SLC24A3: variants seen among roughly 807,000 people sequenced by gnomAD.
SLC24A3 encodes the protein solute carrier family 24 member 3.
SLC24A3 carries 28 observed loss-of-function variants against 75.8 expected under a neutral mutation model. The ratio of observed to expected loss-of-function variants is 0.37; its 90% CI spans 0.27 to 0.51. SLC24A3 has a LOEUF of 0.51. Among genes scored for constraint, SLC24A3 ranks in the 20% least tolerant of loss-of-function variants. The pLI is 0.94. For missense variants in SLC24A3, 663 were observed against 847.8 expected (o/e 0.78, Z 2.71); for synonymous variants, 372 against 334.1 (o/e 1.11, Z -1.24).
intron 1 of SLC24A3, among the ~76,000 whole-genome samples, chr20:19,278,247 T>C (rs6136670): frequency 0.36 from 54,239 of 152,100 alleles, 10,860 homozygotes; most frequent in East Asian, 0.8. Context: ...CTTAGGTGTC[T>C]GAGATGCATG....
chr20:19,502,802 G>A (rs1019391625), intron 2 of SLC24A3, among the ~76,000 whole-genome samples: 1 of 150,478 alleles, frequency 6.6e-6, no homozygotes, highest in African/African-American at 2.5e-5. Context: ...AGGCCAAGGT[G>A]GGAGGATAGC....
chr20:19,498,570 T>G (rs1264396995), intron 2 of SLC24A3, among the ~76,000 whole-genome samples: 1 of 152,168 alleles, frequency 6.6e-6, no homozygotes, highest in Non-Finnish European at 1.5e-5. Flanking sequence ...GCTGACACCT[T>G]CCTTCCTGAC....
chr20:19,536,406 G>T (rs2030397237), intron 3 of SLC24A3, among the ~76,000 whole-genome samples: 1 of 152,098 alleles, frequency 6.6e-6, no homozygotes, highest in African/African-American at 2.4e-5. Flanking sequence ...AGTGGGGCAG[G>T]TCTGGGTTGG....
intron 2 of SLC24A3, among the ~76,000 whole-genome samples, chr20:19,311,160 G>A (rs1225406188): frequency 6.6e-6 from 1 of 151,918 alleles, no homozygotes; most frequent in Admixed American, 6.6e-5. Context: ...CTTGGGTTTT[G>A]GTTACTCATA....
At chr20:19,503,879 A>T (rs1421802671) in intron 2 of SLC24A3, among the ~76,000 whole-genome samples, 2 of 152,200 alleles carry the variant, frequency 1.3e-5, no homozygotes, top group Non-Finnish European at 2.9e-5. Flanking sequence ...CCCCCTTTTA[A>T]ATGGATTATA....
intron 12 of SLC24A3, among the ~76,000 whole-genome samples, chr20:19,688,012 G>A (rs1026317063): frequency 3.3e-5 from 5 of 152,314 alleles, no homozygotes; most frequent in African/African-American, 1.2e-4. Context: ...AGCACAGACA[G>A]GAGAGAAGAG....
chr20:19,477,929 GGACAGTCT>G (rs1987988655), intron 2 of SLC24A3, among the ~76,000 whole-genome samples: 1 of 152,166 alleles, frequency 6.6e-6, no homozygotes, highest in Non-Finnish European at 1.5e-5. Context: ...TCTTCACAAA[GGACAGTCT>G]ATACTGGAGG....
chr20:19,309,051 G>A (rs6045984), intron 2 of SLC24A3, among the ~76,000 whole-genome samples: 23,513 of 152,078 alleles, frequency 0.15, 4,440 homozygotes, highest in African/African-American at 0.43. Flanking sequence ...TTATTTTACC[G>A]TCTTGTAATT....
chr20:19,439,268 C>T (rs1384443164), intron 2 of SLC24A3, among the ~76,000 whole-genome samples: 1 of 152,214 alleles, frequency 6.6e-6, no homozygotes, highest in African/African-American at 2.4e-5. Context: ...GATCAGGCCT[C>T]CCTCATCTTG....
intron 2 of SLC24A3, among the ~76,000 whole-genome samples, chr20:19,300,763 G>A (rs551263827): frequency 6.6e-6 from 1 of 152,182 alleles, no homozygotes; most frequent in South Asian, 2.1e-4. Flanking sequence ...CTCATTCCTG[G>A]AGTCTTCAGC....
Position 19,247,341 on chromosome 20 carries a change from A to G in SLC24A3, c.143-33618A>G, listed in dbSNP as rs369623648. On this transcript the variant is annotated intron_variant, in intron 1 of 16. Transcript: ENST00000328041. ...GCGAAAGTTACTTGTAACCCCAGTT[A>G]CTTTGCATAATATTTTTTTGACTAA... 2.0e-3 allele frequency among the ~76,000 whole-genome samples: 312 copies of G among 152,324 alleles called. 9 individuals carry two copies. In the South Asian group the frequency reaches 0.058, roughly 28 times the overall value.
At chr20:19,461,673 C>T (rs945460111) in intron 2 of SLC24A3, among the ~76,000 whole-genome samples, 7 of 151,694 alleles carry the variant, frequency 4.6e-5, no homozygotes, top group Non-Finnish European at 8.8e-5. Context: ...GCTGGGATAA[C>T]AAGTGCGCAC....
chr20:19,379,733 TACA>T (rs1986150103), intron 2 of SLC24A3, among the ~76,000 whole-genome samples: 1 of 152,204 alleles, frequency 6.6e-6, no homozygotes, highest in African/African-American at 2.4e-5. Flanking sequence ...CACTGTATCT[TACA>T]ACAACAACAA....
intron 15 of SLC24A3, among the ~76,000 whole-genome samples, chr20:19,702,627 A>C (rs2032887701): frequency 6.6e-6 from 1 of 151,832 alleles, no homozygotes; most frequent in Admixed American, 6.6e-5. Flanking sequence ...AAGTGCAAAA[A>C]AAAAAAAAAT....
chr20:19,317,784 A>G (rs8121477), intron 2 of SLC24A3, among the ~76,000 whole-genome samples: 13,760 of 152,098 alleles, frequency 0.09, 2,009 homozygotes, highest in African/African-American at 0.31. Flanking sequence ...TTTACAGGAC[A>G]CCTCTCTCCT....
Position 19,663,426 on chromosome 20 carries a change from TCCTCCTCCGCCTTCTCATCCTCCTCCA to T in SLC24A3, c.688-2436_688-2410del, listed in dbSNP as rs1568689555. 4.4e-4 allele frequency among the ~76,000 whole-genome samples: 21 copies of T among 47,220 alleles called. 1 individual carries two copies. The highest frequency in any genetic ancestry group is 9.0e-4 in the African/African-American group (6 of 6,632). 31.0% of individuals were successfully genotyped at this position (47,220 alleles called of 152,430 possible). A position where few individuals can be genotyped will look rare whatever the true frequency, so the allele number is the denominator to read the frequency against. ...CTCCTCCACCTCCTCCTCCTCCTCC[TCCTCCTCCGCCTTCTCATCCTCCTCCA>T]CTTCCTCCTCCTCCTCCTCCTCCGC... On this transcript the variant is annotated intron_variant, in intron 7 of 16. Coordinates refer to ENST00000328041, the MANE Select transcript of SLC24A3 (RefSeq NM_020689.4).
At chr20:19,331,772 G>A (rs546699772) in intron 2 of SLC24A3, among the ~76,000 whole-genome samples, 33 of 152,256 alleles carry the variant, frequency 2.2e-4, no homozygotes, top group East Asian at 1.9e-4. Context: ...CCATTCTAGG[G>A]GGAGGTGTCA....
At chr20:19,593,190 G>T (rs1431037434) in intron 6 of SLC24A3, among the ~76,000 whole-genome samples, 1 of 152,136 alleles carries the variant, frequency 6.6e-6, no homozygotes, top group East Asian at 1.9e-4. Flanking sequence ...GGGCACAAAT[G>T]TCATTTCTTT....
Position 19,633,628 on chromosome 20 carries a change from G to A in SLC24A3, c.613-20434G>A, listed in dbSNP as rs1160700183. On this transcript the variant is annotated intron_variant, in intron 6 of 16. Transcript: ENST00000328041. ...CCCGCCACTGCACTCCAGCCTGGGCGACAGAGCGAGACTCCGTCTCAAAAA... is the reference window on the plus strand; with the variant it reads ...CCCGCCACTGCACTCCAGCCTGGGCAACAGAGCGAGACTCCGTCTCAAAAA... Among the ~76,000 whole-genome samples, 3 of 118,378 alleles carry A rather than the reference G, an allele frequency of 2.5e-5. 1 individual carries two copies. The highest frequency in any genetic ancestry group is 5.8e-4 in the South Asian group (2 of 3,478). The allele number at this position is 118,378 out of a possible 152,430, so 77.7% of individuals were successfully genotyped here. A position where few individuals can be genotyped will look rare whatever the true frequency, so the allele number is the denominator to read the frequency against.
Sources: gnomAD v4.1 joint callset for allele counts (sites outside exome capture counted in the v4.1 genomes callset) on GRCh38, gnomAD v4.1.1 for gene constraint, MANE v1.5 for transcripts, NCBI Gene and HGNC (gene_info 2026-07-23, HGNC 2026-07-21) for gene names.